The following KIF26A variants were observed in gnomAD, a reference collection of about 807,000 sequenced individuals.
KIF26A encodes the protein kinesin family member 26A, also known as kinesin-like protein KIF26A.
In KIF26A, 74 loss-of-function variants were observed where a neutral mutation model predicts 126.0. The observed-to-expected ratio is 0.59, with a 90% CI of 0.49 to 0.71. The LOEUF is 0.71. Ranked by LOEUF, KIF26A falls within the 30% of genes least tolerant of loss-of-function variation. The pLI is 0.00. For synonymous variants in KIF26A, 1,445 were observed against 1,232.7 expected, an observed-to-expected ratio of 1.17 and a Z score of -3.61; for missense variants, 2,984 against 2,763.3, an observed-to-expected ratio of 1.08 and a Z score of -1.79.
At position 104,171,859 on chromosome 14, in the gene KIF26A, G is replaced by GC; in HGVS notation, c.1255dup (p.Arg419ProfsTer44). The GC allele has an allele frequency of 6.4e-7, 1 of 1,553,942 alleles. No individual in the cohort carries two copies. The highest frequency in any genetic ancestry group is 1.2e-5 in the South Asian group (1 of 84,126). The stretch of plus-strand genomic sequence containing the variant: ...GCCGCCGGTCCCCCAGGCAGCGCAG[G>GC]CCCCCGGCGAGCCGCCACTGCTGCA... On this transcript the variant is annotated frameshift_variant, in exon 6 of 15. Coordinates refer to ENST00000423312, the MANE Select transcript of KIF26A (RefSeq NM_015656.2). LOFTEE classifies it high-confidence loss of function.
intron 13 of KIF26A, 141 bp downstream of exon 13, chr14:104,178,896 T>G (rs2282375): frequency 0.39 from 234,861 of 595,474 alleles, 48,521 homozygotes; most frequent in Non-Finnish European, 0.44. Context: ...TCCACGTTCC[T>G]CCCAGGACGC....
At chr14:104,146,857 C>T (rs117385745) in intron 2 of KIF26A, among the ~76,000 whole-genome samples, 1,538 of 152,220 alleles carry the variant, frequency 0.01, 10 homozygotes, top group Middle Eastern at 0.024. Flanking sequence ...TGACAGGAGG[C>T]GGGCGCTCTG....
Position 104,138,695 on chromosome 14 carries a change from C to T in KIF26A, c.-28C>T. On this transcript the variant is annotated 5_prime_UTR_variant, in exon 1 of 15. Transcript: ENST00000423312. The stretch of plus-strand genomic sequence containing the variant: ...CGGAGAGCCAGCGTGGCCGGGAGCG[C>T]CTGCCGGGCTCTTCCCGCGCCCCGG... 7.9e-7 allele frequency: 1 copy of T among 1,267,062 alleles called. No homozygotes were observed. 78.5% of individuals were successfully genotyped at this position (1,267,062 alleles called of 1,614,324 possible).
chr14:104,178,778 G>A, intron 13 of KIF26A, 23 bp downstream of exon 13: 1 of 1,363,986 alleles, frequency 7.3e-7, no homozygotes, highest in Non-Finnish European at 1.0e-6. Flanking sequence ...GTGGGCTGGG[G>A]TCTATGACCC....
Position 104,175,506 on chromosome 14 carries a change from C to A in KIF26A, c.2718C>A (p.Asp906Glu), listed in dbSNP as rs750976958. ...CCCCTCGAGGCAGTTCTGGTCCAGA[C>A]ACCCACCAGGGTACCCCTGAGCCCT... ...ASTPRGSSGP[D>E]THQGTPEPCK... The change falls in exon 12 of 15, where the codon GAC becomes GAA. Residue 906 changes from aspartate to glutamate, a missense_variant. Asp to Glu is a conservative substitution (Grantham distance 45). Transcript: ENST00000423312. The A allele has an allele frequency of 7.5e-6, 12 of 1,596,842 alleles. No homozygotes were observed. Among genetic ancestry groups the A allele is most frequent in the Non-Finnish European group, 1.0e-5 (12 of 1,178,174 alleles).
intron 4 of KIF26A, among the ~76,000 whole-genome samples, chr14:104,159,502 G>A (rs1201901964): frequency 2.6e-5 from 4 of 152,234 alleles, no homozygotes; most frequent in Non-Finnish European, 4.4e-5. Flanking sequence ...CCCCCAGGCC[G>A]GTGCGTTGGT....
At chr14:104,178,281 C>T (rs1469532949) in intron 12 of KIF26A, among the ~76,000 whole-genome samples, 1 of 152,194 alleles carries the variant, frequency 6.6e-6, no homozygotes, top group Non-Finnish European at 1.5e-5. Context: ...AAGGCCCCCG[C>T]CAGGGCTGCC....
At chr14:104,174,944 G>A (rs2037999629) in intron 11 of KIF26A, 38 bp from the exon 12 acceptor site, 1 of 1,484,200 alleles carries the variant, frequency 6.7e-7, no homozygotes, top group Non-Finnish European at 8.9e-7. Flanking sequence ...GGCGTGTAGG[G>A]GAGACTGGGC....
At chr14:104,166,170 C>T (rs370438920) in intron 4 of KIF26A, among the ~76,000 whole-genome samples, 25 of 143,588 alleles carry the variant, frequency 1.7e-4, no homozygotes, top group African/African-American at 4.5e-4. Flanking sequence ...CCCTGAGTGA[C>T]GAGGGTGGCA....
intron 2 of KIF26A, among the ~76,000 whole-genome samples, chr14:104,139,679 G>A (rs985049367): frequency 3.9e-5 from 6 of 152,238 alleles, no homozygotes; most frequent in African/African-American, 9.6e-5. Flanking sequence ...GGCCCTTGGG[G>A]CACCTGGGCC....
chr14:104,166,758 T>C (rs1264127916), intron 4 of KIF26A, 101 bp from the exon 5 acceptor site: 17 of 1,138,106 alleles, frequency 1.5e-5, no homozygotes, highest in Non-Finnish European at 2.1e-5. Context: ...GGATGGTGGC[T>C]GATGAAGTCC....
At chr14:104,163,746 C>T (rs530487648) in intron 4 of KIF26A, among the ~76,000 whole-genome samples, 1 of 151,680 alleles carries the variant, frequency 6.6e-6, no homozygotes, top group South Asian at 2.1e-4. Flanking sequence ...CTCTGACTCA[C>T]ACCTGCATCC....
chr14:104,176,369 C>A lies in KIF26A; in HGVS notation c.3581C>A (p.Ala1194Asp). 1 of 1,583,360 alleles carries A rather than the reference C, an allele frequency of 6.3e-7. No individual in the cohort carries two copies. The highest frequency in any genetic ancestry group is 2.3e-5 in the East Asian group (1 of 43,614). ...TCCCGACCCGGCAGGGAGCCCCAGG[C>A]CGGGCCCTCGCGGTGGGCATCCGCA... ...APSRPGREPQ[A>D]GPSRWASAAQ... Residue 1194 changes from alanine to aspartate, a missense_variant, in exon 12 of 15, where the codon GCC (alanine) becomes GAC (aspartate). Ala to Asp is a moderately radical substitution (Grantham distance 126, BLOSUM62 -2). Transcript: ENST00000423312.
intron 5 of KIF26A, among the ~76,000 whole-genome samples, chr14:104,167,421 AC>A (rs2037917641): frequency 6.7e-6 from 1 of 149,990 alleles, no homozygotes; most frequent in African/African-American, 2.5e-5. Context: ...GCAGGAGGGG[AC>A]TCTCTGCTCT....
chr14:104,157,361 G>A (rs749056339), intron 3 of KIF26A, among the ~76,000 whole-genome samples: 2 of 152,184 alleles, frequency 1.3e-5, no homozygotes, highest in Non-Finnish European at 2.9e-5. Context: ...AGGAGGCTCA[G>A]GGGTGAGAGG....
At chr14:104,149,678 G>T (rs1212096257) in intron 2 of KIF26A, among the ~76,000 whole-genome samples, 4 of 152,184 alleles carry the variant, frequency 2.6e-5, no homozygotes, top group African/African-American at 9.7e-5. Flanking sequence ...TGGCCAGCCC[G>T]TGGTGGGTGG....
In KIF26A at chr14:104,165,351, T is replaced by G. The variant is rs561537130; in HGVS notation, c.924-1508T>G. On this transcript the variant is annotated intron_variant, in intron 4 of 14. Coordinates refer to ENST00000423312, the MANE Select transcript of KIF26A (RefSeq NM_015656.2). Reference sequence around the variant, plus strand: ...TGTGCGTCTGTGTGTCTGTATCATGTGTGCGTCTGTGTGTCCCTGTGTGCA... The same window carrying G: ...TGTGCGTCTGTGTGTCTGTATCATGGGTGCGTCTGTGTGTCCCTGTGTGCA... Among the ~76,000 whole-genome samples the G allele has an allele frequency of 2.6e-4, 38 of 145,448 alleles. 2 individuals carry two copies. The highest frequency in any genetic ancestry group is 1.0e-3 in the African/African-American group (37 of 36,350).
At chr14:104,167,947 C>A in intron 5 of KIF26A, among the ~76,000 whole-genome samples, 1 of 152,220 alleles carries the variant, frequency 6.6e-6, no homozygotes, top group East Asian at 1.9e-4. Context: ...GGGTTCAGCT[C>A]TCCAGGGGAC....
intron 12 of KIF26A, among the ~76,000 whole-genome samples, chr14:104,178,275 C>A (rs76080472): frequency 0.071 from 10,736 of 152,264 alleles, 424 homozygotes; most frequent in African/African-American, 0.095. Context: ...GCCTGGAAGG[C>A]CCCCGCCAGG....
Sources: allele counts gnomAD v4.1 joint callset (sites outside exome capture counted in the v4.1 genomes callset), GRCh38; gene constraint gnomAD v4.1.1; transcripts MANE v1.5; gene names NCBI Gene and HGNC (gene_info 2026-07-23, HGNC 2026-07-21).